The following EFCAB11 variants were observed in gnomAD, a reference collection of about 807,000 sequenced individuals.
The protein encoded by EFCAB11 is EF-hand calcium-binding domain-containing protein 11.
In EFCAB11, 14 loss-of-function variants were observed where a neutral mutation model predicts 23.0. The ratio of observed to expected loss-of-function variants is 0.61; its 90% CI spans 0.40 to 0.95. The LOEUF (loss-of-function observed/expected upper bound fraction) is 0.95. Among genes scored for constraint, EFCAB11 ranks in the 40% least tolerant of loss-of-function variants. The pLI is 0.00. For missense variants in EFCAB11, 198 were observed against 195.8 expected, an observed-to-expected ratio of 1.01 and a Z score of -0.07; for synonymous variants, 65 against 66.6, an observed-to-expected ratio of 0.98 and a Z score of 0.11.
At chr14:89,833,194 T>C (rs577071161) in intron 5 of EFCAB11, 40 of 150,910 alleles carry the variant, frequency 2.7e-4, no homozygotes, top group African/African-American at 9.7e-4. Flanking sequence ...AAGTAGAGAG[T>C]AGCACATAAA....
chr14:89,954,243 A>C, intron 1 of EFCAB11: 1 of 1,218,144 alleles, frequency 8.2e-7, no homozygotes, highest in South Asian at 1.3e-5. Context: ...GACGCAAATT[A>C]ATTCATTTAG....
intron 5 of EFCAB11, among the ~76,000 whole-genome samples, chr14:89,882,732 A>G (rs988125671): frequency 1.3e-5 from 2 of 152,214 alleles, no homozygotes; most frequent in East Asian, 1.9e-4. Context: ...TCAGTTACAT[A>G]TAATATACAA....
At chr14:89,841,629 C>A (rs991049564) in intron 5 of EFCAB11, among the ~76,000 whole-genome samples, 1 of 152,010 alleles carries the variant, frequency 6.6e-6, no homozygotes. Context: ...CTGACCCCGC[C>A]CCCTCCTTTC....
At chr14:89,867,994 C>T (rs980723111) in intron 5 of EFCAB11, among the ~76,000 whole-genome samples, 2 of 152,208 alleles carry the variant, frequency 1.3e-5, no homozygotes, top group African/African-American at 4.8e-5. Flanking sequence ...ATTAACGATG[C>T]CTCATGGGCG....
rs978359985 is a variant in EFCAB11 at position 89,795,829 on chromosome 14, T to C, written c.*1414A>G. ...TTAAAAGTTCTTTGACTAATGTTCA[T>C]GTTATGCATTCCGTACACTTATAAA... On this transcript the variant is annotated 3_prime_UTR_variant, in exon 6 of 6. Coordinates refer to ENST00000316738, the MANE Select transcript of EFCAB11 (RefSeq NM_145231.4). 6.6e-6 allele frequency: 1 copy of C among 152,248 alleles called. No individual in the cohort carries two copies. The highest frequency in any genetic ancestry group is 1.5e-5 in the Non-Finnish European group (1 of 68,048). 9.4% of individuals were successfully genotyped at this position (152,248 alleles called of 1,614,324 possible).
At chr14:89,870,311 A>C (rs1888225437) in intron 5 of EFCAB11, among the ~76,000 whole-genome samples, 1 of 152,116 alleles carries the variant, frequency 6.6e-6, no homozygotes, top group Admixed American at 6.5e-5. Flanking sequence ...GAAAGGTAAA[A>C]CCTTGAACAT....
chr14:89,805,393 C>G (rs1885934731), intron 5 of EFCAB11, among the ~76,000 whole-genome samples: 1 of 152,200 alleles, frequency 6.6e-6, no homozygotes, highest in Non-Finnish European at 1.5e-5. Flanking sequence ...CTGGCTACTA[C>G]TGGTTGGTAA....
At chr14:89,863,520 T>C (rs756362298) in intron 5 of EFCAB11, among the ~76,000 whole-genome samples, 14 of 152,206 alleles carry the variant, frequency 9.2e-5, no homozygotes, top group Non-Finnish European at 1.5e-4. Flanking sequence ...TCTAAACTCA[T>C]TGTTGGTTTG....
intron 5 of EFCAB11, among the ~76,000 whole-genome samples, chr14:89,828,066 G>GTAC (rs1886760276): frequency 6.6e-6 from 1 of 152,152 alleles, no homozygotes; most frequent in African/African-American, 2.4e-5. Flanking sequence ...TCCATGCTTA[G>GTAC]TACTGACAGT....
intron 5 of EFCAB11, among the ~76,000 whole-genome samples, chr14:89,812,345 T>C (rs1458174196): frequency 6.6e-6 from 1 of 152,250 alleles, no homozygotes; most frequent in African/African-American, 2.4e-5. Flanking sequence ...TGTGTATTCC[T>C]GGATGGGAAG....
At chr14:89,868,854 CACCAAAATACTATGCAA>C (rs1391968903) in intron 5 of EFCAB11, among the ~76,000 whole-genome samples, 2 of 152,168 alleles carry the variant, frequency 1.3e-5, no homozygotes, top group Non-Finnish European at 2.9e-5. Context: ...GCATAACAGA[CACCAAAATACTATGCAA>C]ACCTGCTTTC....
intron 5 of EFCAB11, among the ~76,000 whole-genome samples, chr14:89,849,706 T>A (rs1887545768): frequency 6.7e-6 from 1 of 149,566 alleles, no homozygotes; most frequent in African/African-American, 2.5e-5. Flanking sequence ...ACTGGCTGAC[T>A]ATTCACTGGA....
intron 5 of EFCAB11, among the ~76,000 whole-genome samples, chr14:89,900,320 A>C (rs975027068): frequency 2.0e-5 from 3 of 152,214 alleles, no homozygotes; most frequent in African/African-American, 7.2e-5. Flanking sequence ...ATTAAAAAAA[A>C]ATCAGGACAG....
intron 5 of EFCAB11, among the ~76,000 whole-genome samples, chr14:89,902,108 T>G (rs1877929289): frequency 6.6e-6 from 1 of 152,180 alleles, no homozygotes; most frequent in African/African-American, 2.4e-5. Context: ...TGCTGCCTCT[T>G]GTTCGCTGCA....
At chr14:89,866,336 G>T (rs532141327) in intron 5 of EFCAB11, among the ~76,000 whole-genome samples, 1 of 152,214 alleles carries the variant, frequency 6.6e-6, no homozygotes, top group South Asian at 2.1e-4. Context: ...CCAATTAAAC[G>T]CATGGCCAGG....
intron 5 of EFCAB11, among the ~76,000 whole-genome samples, chr14:89,881,314 G>A (rs1888589050): frequency 6.6e-6 from 1 of 150,384 alleles, no homozygotes; most frequent in Non-Finnish European, 1.5e-5. Context: ...CTGAATAACT[G>A]AGCTCTTCAT....
At chr14:89,892,025 A>T (rs1357355526) in intron 5 of EFCAB11, 15 of 1,536,316 alleles carry the variant, frequency 9.8e-6, no homozygotes, top group Non-Finnish European at 1.3e-5. Flanking sequence ...CTTCAGCTGC[A>T]TCACCGGGTC....
intron 5 of EFCAB11, among the ~76,000 whole-genome samples, chr14:89,829,299 G>A (rs538060525): frequency 6.6e-6 from 1 of 152,108 alleles, no homozygotes; most frequent in South Asian, 2.1e-4. Flanking sequence ...AAGAAATGTT[G>A]GTGGAACTAA....
chr14:89,906,840 T>A lies in EFCAB11; in HGVS notation c.410+24701A>T, dbSNP rs1280608992. Among the ~76,000 whole-genome samples the A allele has an allele frequency of 2.0e-5, 3 of 152,240 alleles. No individual in the cohort carries two copies. The East Asian group carries it at 5.8e-4, about 29-fold the overall frequency. Reference sequence around the variant, plus strand: ...TACTGGACTGTGAAACAAGTATTTATCATGCACATAGTAGGTGCTTAATGA... The same window carrying A: ...TACTGGACTGTGAAACAAGTATTTAACATGCACATAGTAGGTGCTTAATGA... On this transcript the variant is annotated intron_variant, in intron 5 of 5. Coordinates refer to ENST00000316738, the MANE Select transcript of EFCAB11 (RefSeq NM_145231.4).
Sources: allele counts gnomAD v4.1 joint callset (sites outside exome capture counted in the v4.1 genomes callset), GRCh38; gene constraint gnomAD v4.1.1; transcripts MANE v1.5; gene names NCBI Gene and HGNC (gene_info 2026-07-23, HGNC 2026-07-21).